The following RNF150 variants were observed in gnomAD, a reference collection of about 807,000 sequenced individuals.
The protein encoded by RNF150 is ring finger protein 150.
Under a neutral mutation model 39.3 loss-of-function variants are expected in RNF150, and 24 were observed. The ratio of observed to expected loss-of-function variants is 0.61; its 90% CI spans 0.44 to 0.86. The LOEUF (loss-of-function observed/expected upper bound fraction) is 0.86, where lower values mean the gene tolerates loss of function less well. Ranked by LOEUF, RNF150 falls within the 40% of genes least tolerant of loss-of-function variation. The probability of loss-of-function intolerance (pLI) is 0.00; values close to 1 mark genes in which losing one functional copy is unlikely to be tolerated. For synonymous variants in RNF150, 255 were observed against 227.3 expected, an observed-to-expected ratio of 1.12 and a Z score of -1.10; for missense variants, 502 against 587.8, an observed-to-expected ratio of 0.85 and a Z score of 1.51.
chr4:140,893,539 A>G (rs1264292661), intron 6 of RNF150, among the ~76,000 whole-genome samples: 1 of 152,192 alleles, frequency 6.6e-6, no homozygotes, highest in East Asian at 1.9e-4. Flanking sequence ...ATGGGACAGG[A>G]ATCTCATTCC....
intron 1 of RNF150, among the ~76,000 whole-genome samples, chr4:141,059,365 G>C (rs1737120986): frequency 6.6e-6 from 1 of 151,844 alleles, no homozygotes; most frequent in African/African-American, 2.4e-5. Context: ...AATAAACTAG[G>C]TTAAAAAAAA....
At position 140,867,884 on chromosome 4, in the gene RNF150, G is replaced by T. The variant is rs1389586018; in HGVS notation, c.*377C>A. 3 of 170,994 alleles carry T rather than the reference G, an allele frequency of 1.8e-5. No individual in the cohort carries two copies. Among genetic ancestry groups the T allele is most frequent in the Non-Finnish European group, 2.5e-5 (2 of 81,040 alleles). The allele number at this position is 170,994 out of a possible 1,614,324, so 10.6% of individuals were successfully genotyped here. ...ACTACAAATAATCTTTAAAAAAATTGCCAAAGAAATCAAACAACATGCCAA... is the reference window on the plus strand; with the variant it reads ...ACTACAAATAATCTTTAAAAAAATTTCCAAAGAAATCAAACAACATGCCAA... On this transcript the variant is annotated 3_prime_UTR_variant, in exon 7 of 7. Coordinates refer to ENST00000515673, the MANE Select transcript of RNF150 (RefSeq NM_020724.2).
intron 1 of RNF150, among the ~76,000 whole-genome samples, chr4:141,047,907 T>C (rs1578668227): frequency 6.6e-6 from 1 of 152,138 alleles, no homozygotes; most frequent in East Asian, 1.9e-4. Context: ...CAATGAAGAA[T>C]TACCCAGGCA....
At chr4:141,045,764 G>A (rs539116337) in intron 1 of RNF150, among the ~76,000 whole-genome samples, 1 of 151,928 alleles carries the variant, frequency 6.6e-6, no homozygotes, top group African/African-American at 2.4e-5. Context: ...GGCTGGTCTT[G>A]AACTCCTGAC....
At chr4:141,209,974 C>T (rs532630519) in intron 1 of RNF150, among the ~76,000 whole-genome samples, 2 of 152,062 alleles carry the variant, frequency 1.3e-5, no homozygotes, top group Admixed American at 1.3e-4. Flanking sequence ...GAAGTCTTAC[C>T]CACATCAATA....
intron 1 of RNF150, among the ~76,000 whole-genome samples, chr4:141,107,772 C>T (rs1179061260): frequency 6.6e-6 from 1 of 152,056 alleles, no homozygotes; most frequent in African/African-American, 2.4e-5. Flanking sequence ...AAGAGCAAAC[C>T]ATTTTAACTA....
intron 1 of RNF150, among the ~76,000 whole-genome samples, chr4:141,183,115 A>G (rs1409972622): frequency 6.6e-6 from 1 of 152,198 alleles, no homozygotes; most frequent in Non-Finnish European, 1.5e-5. Flanking sequence ...ACTTTTCCAC[A>G]TATAATTTTC....
intron 1 of RNF150, among the ~76,000 whole-genome samples, chr4:141,006,245 T>C (rs1734867745): frequency 6.7e-6 from 1 of 149,332 alleles, no homozygotes; most frequent in Non-Finnish European, 1.5e-5. Flanking sequence ...TATGTATATA[T>C]ATACATACAT....
intron 1 of RNF150, among the ~76,000 whole-genome samples, chr4:141,056,088 T>C (rs904487965): frequency 6.6e-6 from 1 of 152,222 alleles, no homozygotes; most frequent in Non-Finnish European, 1.5e-5. Flanking sequence ...TTGTACTGAA[T>C]CATATTTTAA....
intron 1 of RNF150, among the ~76,000 whole-genome samples, chr4:141,153,460 G>C (rs895442316): frequency 6.6e-6 from 1 of 151,964 alleles, no homozygotes; most frequent in African/African-American, 2.4e-5. Context: ...CAAGGGGAGG[G>C]GCCTCAGAAG....
intron 1 of RNF150, among the ~76,000 whole-genome samples, chr4:141,099,059 A>G: frequency 6.6e-6 from 1 of 152,100 alleles, no homozygotes; most frequent in East Asian, 1.9e-4. Flanking sequence ...CCATCTCATT[A>G]TTTCTGCCAC....
chr4:141,184,152 C>A (rs187054017), intron 1 of RNF150, among the ~76,000 whole-genome samples: 1 of 152,194 alleles, frequency 6.6e-6, no homozygotes, highest in Non-Finnish European at 1.5e-5. Context: ...TATTTCTCCA[C>A]ATCCTCTCCA....
At chr4:141,173,272 G>A (rs1727760545) in intron 1 of RNF150, among the ~76,000 whole-genome samples, 1 of 152,150 alleles carries the variant, frequency 6.6e-6, no homozygotes, top group Non-Finnish European at 1.5e-5. Flanking sequence ...ATTCAGAACA[G>A]TAGCTTATAT....
intron 1 of RNF150, among the ~76,000 whole-genome samples, chr4:141,038,903 A>G (rs1246952355): frequency 6.6e-6 from 1 of 152,112 alleles, no homozygotes; most frequent in African/African-American, 2.4e-5. Context: ...GATAGGAGCA[A>G]TAGCCTCACA....
At chr4:141,028,730 T>A (rs952729693) in intron 1 of RNF150, among the ~76,000 whole-genome samples, 1 of 152,178 alleles carries the variant, frequency 6.6e-6, no homozygotes, top group Non-Finnish European at 1.5e-5. Flanking sequence ...AGGATTATGA[T>A]AAAAATAAAG....
intron 1 of RNF150, among the ~76,000 whole-genome samples, chr4:141,074,332 AG>A (rs1483841477): frequency 6.6e-6 from 1 of 151,318 alleles, no homozygotes; most frequent in Non-Finnish European, 1.5e-5. Flanking sequence ...CACTAGATAA[AG>A]GGGAATTCTG....
At chr4:141,037,547 G>A (rs1158118005) in intron 1 of RNF150, among the ~76,000 whole-genome samples, 1 of 152,032 alleles carries the variant, frequency 6.6e-6, no homozygotes, top group Non-Finnish European at 1.5e-5. Context: ...TTACTGTTAA[G>A]GCATTTTAGT....
At chr4:141,062,001 G>C (rs1429536820) in intron 1 of RNF150, among the ~76,000 whole-genome samples, 2 of 152,050 alleles carry the variant, frequency 1.3e-5, no homozygotes, top group Non-Finnish European at 2.9e-5. Flanking sequence ...AAAAATTAAA[G>C]TAGAAATGTT....
At chr4:141,192,194 GA>G (rs1315446234) in intron 1 of RNF150, among the ~76,000 whole-genome samples, 3 of 152,126 alleles carry the variant, frequency 2.0e-5, no homozygotes, top group Admixed American at 2.0e-4. Context: ...TTGAACATGA[GA>G]AAAGGAAAAT....
Sources: gnomAD v4.1 joint callset for allele counts (sites outside exome capture counted in the v4.1 genomes callset) on GRCh38, gnomAD v4.1.1 for gene constraint, MANE v1.5 for transcripts, NCBI Gene and HGNC (gene_info 2026-07-23, HGNC 2026-07-21) for gene names.